The following OR2L13 variants were observed in gnomAD, a reference collection of about 807,000 sequenced individuals.
OR2L13 encodes olfactory receptor 2L13.
OR2L13 carries 14 observed loss-of-function variants against 15.3 expected under a neutral mutation model. That is an observed-to-expected ratio of 0.91 (90% confidence interval 0.60 to 1.43). OR2L13 has a LOEUF of 1.43. Ranked by LOEUF, OR2L13 falls within the 40% of genes most tolerant of loss-of-function variation. The pLI is 0.00. For synonymous variants in OR2L13, 152 were observed against 142.9 expected, an observed-to-expected ratio of 1.06 and a Z score of -0.45; for missense variants, 367 against 387.9, an observed-to-expected ratio of 0.95 and a Z score of 0.45.
chr1:247,955,871 A>T, the OR2L13 span, among the ~76,000 whole-genome samples: 1 of 151,684 alleles, frequency 6.6e-6, no homozygotes, highest in Non-Finnish European at 1.5e-5. Flanking sequence ...AGATTGCAAA[A>T]ATTTTCTCCC....
the OR2L13 span, chr1:248,030,206 T>A: frequency 2.0e-5 from 3 of 152,188 alleles, no homozygotes; most frequent in East Asian, 5.8e-4. Flanking sequence ...GCAAAGGCAC[T>A]GAGTGTTTGG....
the OR2L13 span, among the ~76,000 whole-genome samples, chr1:248,043,230 C>G: frequency 6.6e-6 from 1 of 152,128 alleles, no homozygotes; most frequent in Admixed American, 6.5e-5. Context: ...TATACAATAG[C>G]CATAGCTGAA....
chr1:248,068,333 G>A, the OR2L13 span, among the ~76,000 whole-genome samples: 29 of 152,012 alleles, frequency 1.9e-4, no homozygotes, highest in East Asian at 1.6e-3. Flanking sequence ...CAGTATTCGC[G>A]GTTCATGAAA....
chr1:247,948,869 C>A, the OR2L13 span: 3 of 1,603,926 alleles, frequency 1.9e-6, no homozygotes, highest in African/African-American at 4.0e-5. Context: ...TGGAAAATTA[C>A]AATCAAACAT....
the OR2L13 span, chr1:247,980,935 G>A: frequency 6.6e-6 from 1 of 152,106 alleles, no homozygotes; most frequent in African/African-American, 2.4e-5. Flanking sequence ...GATAATAAAA[G>A]GTACTAATTA....
chr1:248,038,186 TG>T, the OR2L13 span: 1 of 990,802 alleles, frequency 1.0e-6, no homozygotes, highest in Non-Finnish European at 1.5e-6. Context: ...AGTCTTGTAA[TG>T]CAGCCACTGT....
the OR2L13 span, among the ~76,000 whole-genome samples, chr1:247,941,134 A>C: frequency 6.6e-6 from 1 of 152,118 alleles, no homozygotes; most frequent in African/African-American, 2.4e-5. Context: ...TTCCCTATAT[A>C]TTCTGGGCAT....
the OR2L13 span, among the ~76,000 whole-genome samples, chr1:248,009,641 G>GA: frequency 6.6e-6 from 1 of 152,048 alleles, no homozygotes; most frequent in African/African-American, 2.4e-5. Context: ...TCAGACAATT[G>GA]AAAAAGAGGG....
chr1:248,080,176 T>C, the OR2L13 span, among the ~76,000 whole-genome samples: 1 of 152,188 alleles, frequency 6.6e-6, no homozygotes, highest in African/African-American at 2.4e-5. Flanking sequence ...GCTGTACAAT[T>C]AAGATTTGCA....
the OR2L13 span, among the ~76,000 whole-genome samples, chr1:248,075,052 G>A: frequency 4.6e-5 from 7 of 151,988 alleles, no homozygotes; most frequent in Non-Finnish European, 1.0e-4. Context: ...TCCCCAGTGT[G>A]TGATGTTCCC....
At chr1:247,975,287 T>C in the OR2L13 span, 28 of 452,940 alleles carry the variant, frequency 6.2e-5, no homozygotes, top group Admixed American at 7.3e-4. Flanking sequence ...CTGGCCTTCG[T>C]GGACACCTGG....
At chr1:248,035,390 A>T in the OR2L13 span, among the ~76,000 whole-genome samples, 2 of 152,094 alleles carry the variant, frequency 1.3e-5, no homozygotes, top group Non-Finnish European at 2.9e-5. Context: ...CGGAGCTTGC[A>T]GTGAGCCGAG....
chr1:247,948,116 G>A, the OR2L13 span, among the ~76,000 whole-genome samples: 1 of 152,098 alleles, frequency 6.6e-6, no homozygotes, highest in Non-Finnish European at 1.5e-5. Context: ...AGGAGGCTGA[G>A]GCAGGAGGAT....
At chr1:248,078,893 T>G in the OR2L13 span, among the ~76,000 whole-genome samples, 2 of 152,256 alleles carry the variant, frequency 1.3e-5, no homozygotes, top group Non-Finnish European at 2.9e-5. Context: ...ACATAATGTA[T>G]GTTTTATATC....
chr1:248,000,104 T>A, the OR2L13 span, among the ~76,000 whole-genome samples: 1 of 146,944 alleles, frequency 6.8e-6, no homozygotes, highest in East Asian at 2.0e-4. Context: ...TTTTTCTTTT[T>A]CTTTCTTTTT....
At chr1:248,073,610 A>G in the OR2L13 span, among the ~76,000 whole-genome samples, 1 of 151,764 alleles carries the variant, frequency 6.6e-6, no homozygotes, top group South Asian at 2.1e-4. Context: ...CACATACCCT[A>G]AAACTTAAAG....
chr1:248,093,532 C>A (rs547994981), upstream of OR2L13, among the ~76,000 whole-genome samples: 2 of 152,264 alleles, frequency 1.3e-5, no homozygotes, highest in South Asian at 2.1e-4. Flanking sequence ...AATAAAAAAT[C>A]TGTATGTGAT....
exon 3 of OR2L13, chr1:248,099,574 C>G: frequency 6.2e-7 from 1 of 1,614,074 alleles, no homozygotes. Context: ...CCAGCTCTCC[C>G]TTATGGACCT....
the OR2L13 span, among the ~76,000 whole-genome samples, chr1:247,995,500 C>A: frequency 2.0e-5 from 3 of 152,116 alleles, no homozygotes; most frequent in Non-Finnish European, 2.9e-5. Context: ...TTAGAGTCAG[C>A]CTGCAAAGTG....
Sources: gnomAD v4.1 joint callset for allele counts (sites outside exome capture counted in the v4.1 genomes callset) on GRCh38, gnomAD v4.1.1 for gene constraint, MANE v1.5 for transcripts, NCBI Gene and HGNC (gene_info 2026-07-23, HGNC 2026-07-21) for gene names.